The following STARD13 variants were observed in gnomAD, a reference collection of about 807,000 sequenced individuals.
The protein encoded by STARD13 is StAR related lipid transfer domain containing 13.
STARD13 carries 62 observed loss-of-function variants against 106.4 expected under a neutral mutation model. That is an observed-to-expected ratio of 0.58 (90% confidence interval 0.48 to 0.72). The LOEUF is 0.72. Among genes scored for constraint, STARD13 ranks in the 30% least tolerant of loss-of-function variants. The pLI is 0.00. For synonymous variants in STARD13, 565 were observed against 553.0 expected, an observed-to-expected ratio of 1.02 and a Z score of -0.31; for missense variants, 1,387 against 1,424.0, an observed-to-expected ratio of 0.97 and a Z score of 0.42.
At chr13:33,337,557 G>T (rs1012237163) in intron 1 of STARD13, among the ~76,000 whole-genome samples, 7 of 152,124 alleles carry the variant, frequency 4.6e-5, no homozygotes, top group Non-Finnish European at 7.3e-5. Context: ...ACTTTATAAT[G>T]CTGTTGTCAG....
chr13:33,228,315 C>T (rs533361735), intron 1 of STARD13, among the ~76,000 whole-genome samples: 5 of 152,272 alleles, frequency 3.3e-5, no homozygotes, highest in South Asian at 2.1e-4. Context: ...TTATTTTCAA[C>T]TCTTTTGAGA....
the STARD13 span, among the ~76,000 whole-genome samples, chr13:33,595,825 C>T: frequency 6.6e-6 from 1 of 152,140 alleles, no homozygotes; most frequent in Non-Finnish European, 1.5e-5. Context: ...AAAATACTCT[C>T]TTAAAAATTG....
At position 33,307,664 on chromosome 13, in the gene STARD13, G is replaced by T. The variant is rs1325988659; in HGVS notation, c.124+42626C>A. The stretch of plus-strand genomic sequence containing the variant: ...CACACCGGGGCCTGTCAGGGAGTTG[G>T]GGAGAGGGAAGGGAGAACATCAGGA... On this transcript the variant is annotated intron_variant, in intron 1 of 5. Transcript: ENST00000567873. 2.6e-5 allele frequency among the ~76,000 whole-genome samples: 4 copies of T among 152,232 alleles called. No individual in the cohort carries two copies. The East Asian group carries it at 7.7e-4, about 29-fold the overall frequency.
At chr13:33,268,812 G>T (rs1409285503) in intron 1 of STARD13, among the ~76,000 whole-genome samples, 1 of 152,216 alleles carries the variant, frequency 6.6e-6, no homozygotes, top group African/African-American at 2.4e-5. Context: ...CTCCATGTCA[G>T]ATTATTAGCA....
chr13:33,167,632 A>C lies in STARD13; in HGVS notation c.170-10T>G. 1 of 1,614,010 alleles carries C rather than the reference A, an allele frequency of 6.2e-7. No individual in the cohort carries two copies. On this transcript the variant is annotated splice_polypyrimidine_tract_variant and intron_variant, in intron 1 of 13. Coordinates refer to ENST00000336934, the MANE Select transcript of STARD13 (RefSeq NM_178006.4). ...TCTTTTGCCTCAATTTCTGAAAAACACAAGAGAGATAAAATTGTGAGTCCC... is the reference window on the plus strand; with the variant it reads ...TCTTTTGCCTCAATTTCTGAAAAACCCAAGAGAGATAAAATTGTGAGTCCC...
rs578180494 is a variant in STARD13, at chr13:33,325,829, C to A, written c.124+24461G>T. The stretch of plus-strand genomic sequence containing the variant: ...CTAACATGGTAAAACCCCGTCTCTA[C>A]AAAAAATTAGCCGGGCATGGTGGCG... On this transcript the variant is annotated intron_variant, in intron 1 of 5. Coordinates refer to the STARD13 transcript ENST00000567873. Among the ~76,000 whole-genome samples, 21 of 151,868 alleles carry A rather than the reference C, an allele frequency of 1.4e-4. No homozygotes were observed. The East Asian group carries it at 4.1e-3, about 29-fold the overall frequency.
the STARD13 span, among the ~76,000 whole-genome samples, chr13:33,578,368 AC>A: frequency 9.1e-4 from 139 of 152,186 alleles, no homozygotes; most frequent in African/African-American, 3.1e-3. Context: ...CTGATCTTTG[AC>A]AAAGCATAAG....
At chr13:33,658,423 A>G in the STARD13 span, 1 of 152,226 alleles carries the variant, frequency 6.6e-6, no homozygotes, top group Non-Finnish European at 1.5e-5. Context: ...TAACTTTGCA[A>G]AATGTTTTTG....
upstream of STARD13, among the ~76,000 whole-genome samples, chr13:33,351,104 T>C (rs113323767): frequency 9.1e-3 from 1,391 of 152,330 alleles, 17 homozygotes; most frequent in African/African-American, 0.03. Flanking sequence ...TCCTTCCTGA[T>C]TTCTTCAATG....
intron 1 of STARD13, among the ~76,000 whole-genome samples, chr13:33,329,591 G>C (rs1181207178): frequency 6.6e-6 from 1 of 151,308 alleles, no homozygotes; most frequent in Non-Finnish European, 1.5e-5. Flanking sequence ...CTTCATCCAT[G>C]TTGTCACAAA....
At chr13:33,632,496 C>T in the STARD13 span, among the ~76,000 whole-genome samples, 12 of 152,160 alleles carry the variant, frequency 7.9e-5, no homozygotes, top group African/African-American at 2.9e-4. Context: ...ACCTACATGT[C>T]TTTATATCAA....
At chr13:33,385,220 T>TAC in the STARD13 span, among the ~76,000 whole-genome samples, 1 of 93,090 alleles carries the variant, frequency 1.1e-5, no homozygotes, top group Non-Finnish European at 2.1e-5. Context: ...AGGTTCGGAA[T>TAC]ATATATATAT....
At chr13:33,635,519 G>C in the STARD13 span, among the ~76,000 whole-genome samples, 11 of 152,138 alleles carry the variant, frequency 7.2e-5, no homozygotes, top group African/African-American at 2.7e-4. Flanking sequence ...AATTAGCCGG[G>C]TGTGGTGGTG....
chr13:33,132,841 G>C (rs185229641), intron 4 of STARD13, among the ~76,000 whole-genome samples: 4 of 152,312 alleles, frequency 2.6e-5, no homozygotes, highest in African/African-American at 9.6e-5. Context: ...ACTCCAGAAT[G>C]ATGACTCAAA....
At chr13:33,234,993 A>G (rs1594143414) in intron 1 of STARD13, among the ~76,000 whole-genome samples, 1 of 152,194 alleles carries the variant, frequency 6.6e-6, no homozygotes. Flanking sequence ...TTATCACAGA[A>G]AATGTAAAAA....
chr13:33,159,180 C>T (rs773621206), intron 3 of STARD13, among the ~76,000 whole-genome samples: 4 of 152,010 alleles, frequency 2.6e-5, no homozygotes, highest in South Asian at 4.1e-4. Flanking sequence ...TATGTATGGA[C>T]GAATCCTGCT....
chr13:33,129,047 C>T lies in STARD13; in HGVS notation c.1630G>A (p.Gly544Ser). 6.2e-7 allele frequency: 1 copy of T among 1,614,074 alleles called. No individual in the cohort carries two copies. The highest frequency in any genetic ancestry group is 8.5e-7 in the Non-Finnish European group (1 of 1,180,026). Reference protein sequence around the residue: ...LDFEGNSVSEGRTTPSDVERD... With the variant: ...LDFEGNSVSESRTTPSDVERD... ...TCCACATCACTGGGTGTCGTCCGACCTTCTGAGACAGAGTTACCTTCAAAA... is the reference window on the plus strand; with the variant it reads ...TCCACATCACTGGGTGTCGTCCGACTTTCTGAGACAGAGTTACCTTCAAAA... The change falls in exon 5 of 14, where the codon GGT (glycine) becomes AGT (serine). Residue 544 changes from glycine to serine, a missense_variant. By Grantham distance (56) the Gly-to-Ser change is moderately conservative (BLOSUM62 0). Coordinates refer to ENST00000336934, the MANE Select transcript of STARD13 (RefSeq NM_178006.4).
chr13:33,124,230 G>T (rs1876801086), intron 7 of STARD13, among the ~76,000 whole-genome samples: 1 of 152,062 alleles, frequency 6.6e-6, no homozygotes, highest in Admixed American at 6.6e-5. Context: ...GGTGGTCTCT[G>T]CGTGCTTCCC....
chr13:33,632,939 A>C, the STARD13 span, among the ~76,000 whole-genome samples: 2 of 152,208 alleles, frequency 1.3e-5, no homozygotes, highest in Admixed American at 1.3e-4. Context: ...CTGAATAAAC[A>C]TAGCATTAAT....
Sources: allele counts gnomAD v4.1 joint callset (sites outside exome capture counted in the v4.1 genomes callset), GRCh38; gene constraint gnomAD v4.1.1; transcripts MANE v1.5; gene names NCBI Gene and HGNC (gene_info 2026-07-23, HGNC 2026-07-21).